Variants in STK33 observed in about 807,000 individuals in gnomAD.
STK33 encodes serine/threonine kinase 33, also known as serine/threonine-protein kinase 33.
In STK33, 52 loss-of-function variants were observed where a neutral mutation model predicts 58.0. The ratio of observed to expected loss-of-function variants is 0.90; its 90% CI spans 0.72 to 1.13. The LOEUF (loss-of-function observed/expected upper bound fraction) is 1.13, where lower values mean the gene tolerates loss of function less well. Ranked by LOEUF, STK33 falls within the 50% of genes most tolerant of loss-of-function variation. The pLI is 0.00. For missense variants in STK33, 630 were observed against 604.2 expected, an observed-to-expected ratio of 1.04 and a Z score of -0.45; for synonymous variants, 215 against 200.1, an observed-to-expected ratio of 1.07 and a Z score of -0.63.
chr11:8,464,323 G>A (rs1360089289), intron 7 of STK33, among the ~76,000 whole-genome samples: 5 of 151,786 alleles, frequency 3.3e-5, no homozygotes, highest in Non-Finnish European at 7.4e-5. Context: ...TGAAAGGAGA[G>A]GATAGGAGAA....
intron 1 of STK33, among the ~76,000 whole-genome samples, chr11:8,511,823 C>A (rs1317480719): frequency 6.6e-6 from 1 of 152,104 alleles, no homozygotes; most frequent in Non-Finnish European, 1.5e-5. Flanking sequence ...TAGTATGAAA[C>A]CCACTTGATC....
At chr11:8,495,986 A>T (rs1420016565) in intron 1 of STK33, among the ~76,000 whole-genome samples, 1 of 152,098 alleles carries the variant, frequency 6.6e-6, no homozygotes, top group Admixed American at 6.6e-5. Context: ...ATTAGGAGAA[A>T]TACCTAATGT....
chr11:8,504,136 A>G (rs1020826578), intron 1 of STK33, among the ~76,000 whole-genome samples: 1 of 152,212 alleles, frequency 6.6e-6, no homozygotes, highest in African/African-American at 2.4e-5. Context: ...CTACACAATA[A>G]CAAAATAAGT....
At chr11:8,361,550 G>A in the STK33 span, among the ~76,000 whole-genome samples, 1 of 149,852 alleles carries the variant, frequency 6.7e-6, no homozygotes, top group Non-Finnish European at 1.5e-5. This position sits in a 1 kb window ranked among gnomAD's most constrained non-coding sequence, Gnocchi z 4.8. Flanking sequence ...TGCCAGGCTC[G>A]CCTCAACCTC....
chr11:8,523,464 A>G (rs912106426), intron 1 of STK33, among the ~76,000 whole-genome samples: 1 of 147,340 alleles, frequency 6.8e-6, no homozygotes, highest in Non-Finnish European at 1.5e-5. Flanking sequence ...AGAAGTGAGG[A>G]GCCCCTCCAC....
intron 15 of STK33, among the ~76,000 whole-genome samples, chr11:8,393,241 G>A (rs1270088874): frequency 6.6e-6 from 1 of 152,096 alleles, no homozygotes; most frequent in Non-Finnish European, 1.5e-5. Context: ...TCTATTCCTT[G>A]CCCTTAAGTG....
chr11:8,443,794 T>A (rs1945062525), intron 11 of STK33, among the ~76,000 whole-genome samples: 1 of 152,054 alleles, frequency 6.6e-6, no homozygotes, highest in Admixed American at 6.6e-5. Context: ...AACCCAGGAG[T>A]TTGAGATCAG....
At chr11:8,377,206 C>A in the STK33 span, among the ~76,000 whole-genome samples, 2 of 152,218 alleles carry the variant, frequency 1.3e-5, no homozygotes, top group African/African-American at 4.8e-5. Context: ...CCAGTAGATA[C>A]CCCTATAGTT....
chr11:8,369,300 T>C, the STK33 span, among the ~76,000 whole-genome samples: 7 of 129,790 alleles, frequency 5.4e-5, no homozygotes, highest in Non-Finnish European at 7.8e-5. Flanking sequence ...TTACTCTGTG[T>C]GTGTGTGTGT....
the STK33 span, among the ~76,000 whole-genome samples, chr11:8,358,010 G>A: frequency 4.6e-5 from 7 of 152,192 alleles, no homozygotes; most frequent in African/African-American, 1.2e-4. Flanking sequence ...CTCTGGCCCC[G>A]CCTCCCCATA....
intron 15 of STK33, among the ~76,000 whole-genome samples, chr11:8,400,077 C>T (rs1005567863): frequency 2.6e-5 from 4 of 152,184 alleles, no homozygotes; most frequent in Non-Finnish European, 2.9e-5. Flanking sequence ...TGAAACTATT[C>T]CAATCAATAG....
chr11:8,504,549 G>T (rs1216530388), intron 1 of STK33, among the ~76,000 whole-genome samples: 1 of 152,160 alleles, frequency 6.6e-6, no homozygotes, highest in Admixed American at 6.5e-5. Flanking sequence ...AGCACTTTGG[G>T]AGACCAAGGT....
chr11:8,490,918 C>T (rs1263805030), intron 1 of STK33, among the ~76,000 whole-genome samples: 8 of 152,104 alleles, frequency 5.3e-5, no homozygotes, highest in African/African-American at 1.7e-4. Context: ...GATATCCACA[C>T]CAAAACCCCA....
chr11:8,383,199 T>C, the STK33 span, among the ~76,000 whole-genome samples: 1 of 152,066 alleles, frequency 6.6e-6, no homozygotes, highest in Admixed American at 6.6e-5. Context: ...AACATGTCAC[T>C]AAGGAAGAGT....
chr11:8,557,394 G>GGAGGGA (rs1565359482), intron 1 of STK33, among the ~76,000 whole-genome samples: 1 of 147,812 alleles, frequency 6.8e-6, no homozygotes. Flanking sequence ...AAAAGGAGGG[G>GGAGGGA]AAAAAGGAAG....
At chr11:8,455,634 C>G (rs960588064) in intron 9 of STK33, among the ~76,000 whole-genome samples, 4 of 146,266 alleles carry the variant, frequency 2.7e-5, no homozygotes, top group Non-Finnish European at 6.0e-5. Flanking sequence ...CGTTGAAACC[C>G]CATCTCTACT....
intron 1 of STK33, among the ~76,000 whole-genome samples, chr11:8,534,008 C>T (rs1954760274): frequency 6.6e-6 from 1 of 152,160 alleles, no homozygotes; most frequent in Admixed American, 6.5e-5. Context: ...GAGCCAGTGG[C>T]TCACACCTGT....
At chr11:8,520,460 T>C (rs956189259) in intron 1 of STK33, among the ~76,000 whole-genome samples, 5 of 152,184 alleles carry the variant, frequency 3.3e-5, no homozygotes, top group African/African-American at 4.8e-5. Context: ...CTCTCACCAC[T>C]CCTATTTAAC....
Position 8,411,809 on chromosome 11 carries a change from A to G in STK33, c.1344+1686T>C, listed in dbSNP as rs368008712. On this transcript the variant is annotated intron_variant, in intron 15 of 15. Coordinates refer to ENST00000687296, the MANE Select transcript of STK33 (RefSeq NM_001352389.2). Reference sequence around the variant, plus strand: ...TGAAACCTACATTCCTAAAATATCAACCAACATTCTTACCATTTCTATATT... The same window carrying G: ...TGAAACCTACATTCCTAAAATATCAGCCAACATTCTTACCATTTCTATATT... Among the ~76,000 whole-genome samples, 33 of 152,302 alleles carry G rather than the reference A, an allele frequency of 2.2e-4. No individual in the cohort carries two copies. In the South Asian group the frequency reaches 4.6e-3, roughly 21 times the overall value.
Sources: gnomAD v4.1 joint callset for allele counts (sites outside exome capture counted in the v4.1 genomes callset) on GRCh38, gnomAD v4.1.1 for gene constraint, Gnocchi (gnomAD v3.1) non-coding constraint, MANE v1.5 for transcripts, NCBI Gene and HGNC (gene_info 2026-07-23, HGNC 2026-07-21) for gene names.